The following PLCG1 variants were observed in gnomAD, a reference collection of about 807,000 sequenced individuals.
PLCG1 encodes the protein phospholipase C gamma 1.
In PLCG1, 71 loss-of-function variants were observed where a neutral mutation model predicts 177.8. That is an observed-to-expected ratio of 0.40 (90% CI 0.33 to 0.49). The LOEUF is 0.49. Ranked by LOEUF, PLCG1 falls within the 20% of genes least tolerant of loss-of-function variation. The pLI, the probability that PLCG1 is intolerant of heterozygous loss-of-function variation, is 0.72. For synonymous variants in PLCG1, 658 were observed against 647.9 expected (o/e 1.02, Z -0.24); for missense variants, 1,281 against 1,709.0 (o/e 0.75, Z 4.42).
rs1484834049 is a variant in PLCG1, at chr20:41,173,876, T to C, written c.3557-47T>C. The C allele has an allele frequency of 6.2e-7, 1 of 1,610,152 alleles. No individual in the cohort carries two copies. Among genetic ancestry groups the C allele is most frequent in the Non-Finnish European group, 8.5e-7 (1 of 1,176,572 alleles). On this transcript the variant is annotated intron_variant, in intron 29 of 31. Coordinates refer to ENST00000685551, the MANE Select transcript of PLCG1 (RefSeq NM_002660.3). This position sits in a 1 kb window ranked among gnomAD's most constrained non-coding sequence, Gnocchi z 6.2. The stretch of plus-strand genomic sequence containing the variant: ...TGCTGGCAGGGTGGGGCTGGGCCCC[T>C]TGCTCTGTCCCTCGTGGGCTGAGGG...
At position 41,147,860 on chromosome 20, in the gene PLCG1, A is replaced by T. The variant is rs988838761; in HGVS notation, c.217+10002A>T. ...AAGACTCTGTCTCTTTAAAAAAAAA[A>T]AAAAATTTAAGCTGGGCTTTCTGGG... On this transcript the variant is annotated intron_variant, in intron 1 of 31. Coordinates refer to ENST00000685551, the MANE Select transcript of PLCG1 (RefSeq NM_002660.3). This position sits in a 1 kb window ranked among gnomAD's most constrained non-coding sequence, Gnocchi z 4.0. Among the ~76,000 whole-genome samples the T allele has an allele frequency of 7.2e-5, 11 of 152,088 alleles. No individual in the cohort carries two copies. Among genetic ancestry groups the T allele is most frequent in the Non-Finnish European group, 1.2e-4 (8 of 68,022 alleles).
rs11426520 is a variant in PLCG1, at chr20:41,162,235, G to GTTTTTTTTTTTTTTTTTTTTTTTTTTT, written c.513-197_513-196insTTTTTTTTTTTTTTTTTTTTTTTTTTT. 1.9e-4 allele frequency: 28 copies of GTTTTTTTTTTTTTTTTTTTTTTTTTTT among 143,640 alleles called. 1 individual carries two copies. The highest frequency in any genetic ancestry group is 1.9e-3 in the East Asian group (9 of 4,810). 8.9% of individuals were successfully genotyped at this position (143,640 alleles called of 1,614,324 possible). ...GGTTTTTTTTGTTTGTTTTGTTTTT[G>GTTTTTTTTTTTTTTTTTTTTTTTTTTT]TTTTTTTTTTTTTTTTTTTTGCTCA... On this transcript the variant is annotated intron_variant, in intron 4 of 31. Coordinates refer to ENST00000685551, the MANE Select transcript of PLCG1 (RefSeq NM_002660.3).
At position 41,166,752 on chromosome 20, in the gene PLCG1, G is replaced by A. The variant is rs2146047143; in HGVS notation, c.2194G>A (p.Asp732Asn). The A allele has an allele frequency of 6.2e-7, 1 of 1,614,006 alleles. No individual in the cohort carries two copies. Among genetic ancestry groups the A allele is most frequent in the East Asian group, 2.2e-5 (1 of 44,886 alleles). Residue 732 changes from aspartate to asparagine, a missense_variant, in exon 19 of 32, where the codon GAC (aspartate) becomes AAC (asparagine). By Grantham distance (23) the Asp-to-Asn change is conservative. Around this residue, in one of 4 missense-constraint regions of PLCG1, gnomAD observed 723 missense variants for 1,030.0 expected, o/e 0.70. Transcript: ENST00000685551. This position sits in a 1 kb window ranked among gnomAD's most constrained non-coding sequence, Gnocchi z 8.6. ...AGTGATGCTAGGGAACTCGGAGTTC[G>A]ACAGCCTTGTTGACCTCATCAGCTA... ...QTVMLGNSEF[D>N]SLVDLISYYE...
At chr20:41,141,355 T>C (rs1372081216) in intron 1 of PLCG1, among the ~76,000 whole-genome samples, 1 of 152,216 alleles carries the variant, frequency 6.6e-6, no homozygotes, top group African/African-American at 2.4e-5. Context: ...CAATGACAAT[T>C]GTGAGCAGTA....
chr20:41,147,031 G>A lies in PLCG1; in HGVS notation c.217+9173G>A, dbSNP rs554802387. ...GTTGGGCAGCGATGGGGGCAGGGGT[G>A]ATGGTCCTTCTCTGAGGCACTGAAG... On this transcript the variant is annotated intron_variant, in intron 1 of 31. Transcript: ENST00000685551. This position sits in a 1 kb window ranked among gnomAD's most constrained non-coding sequence, Gnocchi z 4.0. Among the ~76,000 whole-genome samples, 1 of 152,332 alleles carries A rather than the reference G, an allele frequency of 6.6e-6. No homozygotes were observed. The highest frequency in any genetic ancestry group is 6.5e-5 in the Admixed American group (1 of 15,304).
chr20:41,168,744 A>C, intron 20 of PLCG1, 23 bp from the exon 21 acceptor site: 6 of 1,473,476 alleles, frequency 4.1e-6, no homozygotes, highest in South Asian at 2.3e-5. Flanking sequence ...TTCTGCTCTG[A>C]CTGGTGCTTC....
chr20:41,143,767 G>T (rs1276095331), intron 1 of PLCG1, among the ~76,000 whole-genome samples: 1 of 152,178 alleles, frequency 6.6e-6, no homozygotes, highest in Non-Finnish European at 1.5e-5. Flanking sequence ...GTCTGAAATT[G>T]ATCTTTAGCT....
At position 41,174,502 on chromosome 20, in the gene PLCG1, G is replaced by A. The variant is rs777560654; in HGVS notation, c.3869G>A (p.Arg1290His). The change falls in exon 32 of 32, where the codon CGC becomes CAC. Residue 1290 changes from arginine (R) to histidine (H), a missense_variant. Arg to His is a conservative substitution (Grantham distance 29, BLOSUM62 0). Coordinates refer to ENST00000685551, the MANE Select transcript of PLCG1 (RefSeq NM_002660.3). The surrounding 1 kb of genome is among the most constrained non-coding windows in gnomAD (Gnocchi z 5.8). ...PRRTRVNGDNRL is the reference protein window; with the variant it reads ...PRRTRVNGDNHL ...AGGACTCGGGTCAATGGAGACAACCGCCTCTAGTTGTACCCCAGCCTCGTT... is the reference window on the plus strand; with the variant it reads ...AGGACTCGGGTCAATGGAGACAACCACCTCTAGTTGTACCCCAGCCTCGTT... The A allele has an allele frequency of 4.4e-6, 7 of 1,586,252 alleles. No individual in the cohort carries two copies. Among genetic ancestry groups the A allele is most frequent in the South Asian group, 1.1e-5 (1 of 87,314 alleles).
Position 41,151,864 on chromosome 20 carries a change from G to A in PLCG1, c.218-7742G>A, listed in dbSNP as rs563908104. Among the ~76,000 whole-genome samples the A allele has an allele frequency of 1.8e-4, 28 of 152,270 alleles. No homozygotes were observed. Among genetic ancestry groups the A allele is most frequent in the South Asian group, 6.2e-4 (3 of 4,820 alleles). ...GAGCTGCAAAAACCTTGCCAAAGCC[G>A]TATGGTCCTGATGGGTGCAGAGCCC... On this transcript the variant is annotated intron_variant, in intron 1 of 31. Transcript: ENST00000685551. This position sits in a 1 kb window ranked among gnomAD's most constrained non-coding sequence, Gnocchi z 5.5.
chr20:41,152,435 C>T (rs2035194774), intron 1 of PLCG1, among the ~76,000 whole-genome samples: 1 of 152,244 alleles, frequency 6.6e-6, no homozygotes, highest in African/African-American at 2.4e-5. Flanking sequence ...CCAACTATGC[C>T]TGCTGCTGCT....
At position 41,159,574 on chromosome 20, in the gene PLCG1, G is replaced by A; in HGVS notation, c.218-32G>A. 1 of 1,609,766 alleles carries A rather than the reference G, an allele frequency of 6.2e-7. No homozygotes were observed. The stretch of plus-strand genomic sequence containing the variant: ...TCGGTGTTGACTCTGGGAGACCCCA[G>A]CTTGATCTTGGCCTCTTTGCTACCT... On this transcript the variant is annotated intron_variant, in intron 1 of 31. Coordinates refer to ENST00000685551, the MANE Select transcript of PLCG1 (RefSeq NM_002660.3). This position sits in a 1 kb window ranked among gnomAD's most constrained non-coding sequence, Gnocchi z 6.0.
Position 41,166,919 on chromosome 20 carries a change from CCA to C in PLCG1, c.2301+61_2301+62del. 6.7e-7 allele frequency: 1 copy of C among 1,485,206 alleles called. No individual in the cohort carries two copies. Among genetic ancestry groups the C allele is most frequent in the Non-Finnish European group, 9.4e-7 (1 of 1,067,204 alleles). 92.0% of individuals were successfully genotyped at this position (1,485,206 alleles called of 1,614,324 possible). A position where few individuals can be genotyped will look rare whatever the true frequency, so the allele number is the denominator to read the frequency against. On this transcript the variant is annotated intron_variant, in intron 19 of 31. Transcript: ENST00000685551. The surrounding 1 kb of genome is among the most constrained non-coding windows in gnomAD (Gnocchi z 8.6). ...GAGGCAGGAGAGACCCAGAATCTTA[CCA>C]GTCTCTGGATGTGTGTAACAGCAAG...
Position 41,165,054 on chromosome 20 carries a change from G to A in PLCG1, c.1339G>A (p.Asp447Asn), listed in dbSNP as rs1171145257. The part of the protein sequence containing the change: ...LLTKPVEISA[D>N]GLPSPNQLKR... ...CACCAAGCCCGTGGAGATCTCTGCC[G>A]ACGGGCTCCCCTCACCCAACCAGCT... The change falls in exon 13 of 32, where the codon GAC (aspartate) becomes AAC (asparagine). Residue 447 changes from aspartate (D) to asparagine (N), a missense_variant. Asp to Asn is a conservative substitution (Grantham distance 23, BLOSUM62 1). This residue lies in a region of PLCG1 where 723 missense variants were observed against 1,030.0 expected (regional missense o/e 0.70). Transcript: ENST00000685551. This position sits in a 1 kb window ranked among gnomAD's most constrained non-coding sequence, Gnocchi z 6.6. 11 of 1,613,946 alleles carry A rather than the reference G, an allele frequency of 6.8e-6. No individual in the cohort carries two copies. The highest frequency in any genetic ancestry group is 3.3e-5 in the Admixed American group (2 of 59,978).
chr20:41,170,442 G>A (rs2035860829), intron 24 of PLCG1, 173 bp downstream of exon 24: 1 of 639,814 alleles, frequency 1.6e-6, no homozygotes, highest in East Asian at 2.8e-5. Context: ...CACATAAGAT[G>A]CAATGTGGTG....
At position 41,146,516 on chromosome 20, in the gene PLCG1, A is replaced by C. The variant is rs184173273; in HGVS notation, c.217+8658A>C. Among the ~76,000 whole-genome samples, 18 of 152,296 alleles carry C rather than the reference A, an allele frequency of 1.2e-4. No homozygotes were observed. Among genetic ancestry groups the C allele is most frequent in the African/African-American group, 4.3e-4 (18 of 41,560 alleles). ...GGTACGGAGGAGAGTGGGTGGTCTT[A>C]CTGATGTTCTGGGCCCTGACAGTGA... On this transcript the variant is annotated intron_variant, in intron 1 of 31. Transcript: ENST00000685551. The surrounding 1 kb of genome is among the most constrained non-coding windows in gnomAD (Gnocchi z 6.3).
Position 41,172,734 on chromosome 20 carries a change from C to T in PLCG1, c.3136C>T (p.Pro1046Ser). 2 of 1,614,038 alleles carry T rather than the reference C, an allele frequency of 1.2e-6. No individual in the cohort carries two copies. The highest frequency in any genetic ancestry group is 1.7e-6 in the Non-Finnish European group (2 of 1,179,970). Residue 1046 changes from proline to serine, a missense_variant, in exon 27 of 32, where the codon CCT (proline) becomes TCT (serine). Coordinates refer to ENST00000685551, the MANE Select transcript of PLCG1 (RefSeq NM_002660.3). The surrounding 1 kb of genome is among the most constrained non-coding windows in gnomAD (Gnocchi z 7.0). ...CCATAATCTGCCTCTTCCAGACAAG[C>T]CTATGCAGATGAACCAGGCCCTCTT... ...VALNFQTPDK[P>S]MQMNQALFMT...
At position 41,156,244 on chromosome 20, in the gene PLCG1, T is replaced by G. The variant is rs1460775371; in HGVS notation, c.218-3362T>G. ...CCTCACTGCCCCAAGCAGCTTATCT[T>G]GTCACTGTCTACCATAGCCACATTT... On this transcript the variant is annotated intron_variant, in intron 1 of 31. Coordinates refer to ENST00000685551, the MANE Select transcript of PLCG1 (RefSeq NM_002660.3). The surrounding 1 kb of genome is among the most constrained non-coding windows in gnomAD (Gnocchi z 5.0). Among the ~76,000 whole-genome samples, 1 of 152,216 alleles carries G rather than the reference T, an allele frequency of 6.6e-6. No homozygotes were observed. The highest frequency in any genetic ancestry group is 1.5e-5 in the Non-Finnish European group (1 of 68,034).
intron 22 of PLCG1, 71 bp downstream of exon 22, chr20:41,169,246 A>T (rs1251964934): frequency 8.4e-7 from 1 of 1,193,144 alleles, no homozygotes; most frequent in Non-Finnish European, 1.2e-6. Context: ...CCCATCACAC[A>T]GTCCCAAGCA....
chr20:41,163,778 C>G lies in PLCG1; in HGVS notation c.955C>G (p.Pro319Ala). Residue 319 changes from proline to alanine, a missense_variant, in exon 10 of 32, where the codon CCG becomes GCG. By Grantham distance (27) the Pro-to-Ala change is conservative (BLOSUM62 -1). This residue lies in a region of PLCG1 where 374 missense variants were observed against 443.8 expected (regional missense o/e 0.84). Coordinates refer to ENST00000685551, the MANE Select transcript of PLCG1 (RefSeq NM_002660.3). The surrounding 1 kb of genome is among the most constrained non-coding windows in gnomAD (Gnocchi z 5.2). ...VWNSQLDAVC[P>A]DTMNNPLSHY... is the part of the protein sequence containing the mutation. ...GAACTCGCAGCTGGATGCAGTATGC[C>G]CGGACACCATGAACAACCCTCTTTC... 4 of 1,613,034 alleles carry G rather than the reference C, an allele frequency of 2.5e-6. No homozygotes were observed. Among genetic ancestry groups the G allele is most frequent in the Non-Finnish European group, 3.4e-6 (4 of 1,179,542 alleles).
Sources: allele counts gnomAD v4.1 joint callset (sites outside exome capture counted in the v4.1 genomes callset), GRCh38; gene constraint gnomAD v4.1.1; regional missense constraint gnomAD v4.1.1; non-coding constraint Gnocchi (gnomAD v3.1); transcripts MANE v1.5; gene names NCBI Gene and HGNC (gene_info 2026-07-23, HGNC 2026-07-21).